Variants in ARHGAP26 observed in about 807,000 individuals in gnomAD.
ARHGAP26 encodes the protein rho GTPase-activating protein 26.
A neutral mutation model predicts 104.8 loss-of-function variants in ARHGAP26; 38 were observed. The ratio of observed to expected loss-of-function variants is 0.36; its 90% CI spans 0.28 to 0.48. The LOEUF (loss-of-function observed/expected upper bound fraction) is 0.48, where lower values mean the gene tolerates loss of function less well. Among genes scored for constraint, ARHGAP26 ranks in the 20% least tolerant of loss-of-function variants. The pLI is 0.99. For synonymous variants in ARHGAP26, 341 were observed against 340.0 expected, an observed-to-expected ratio of 1.00 and a Z score of -0.03; for missense variants, 704 against 947.9, an observed-to-expected ratio of 0.74 and a Z score of 3.38.
chr5:143,046,192 T>C (rs1015564612), intron 14 of ARHGAP26, among the ~76,000 whole-genome samples: 3 of 152,174 alleles, frequency 2.0e-5, no homozygotes, highest in South Asian at 2.1e-4. Flanking sequence ...ATAGCCCTGC[T>C]ACTCAGGAGG....
At chr5:143,119,056 A>G (rs531425842) in intron 17 of ARHGAP26, among the ~76,000 whole-genome samples, 1 of 152,266 alleles carries the variant, frequency 6.6e-6, no homozygotes, top group African/African-American at 2.4e-5. Flanking sequence ...CACATGTGCC[A>G]TGCCATTGTG....
At chr5:143,030,596 C>T (rs1781702621) in intron 12 of ARHGAP26, among the ~76,000 whole-genome samples, 1 of 147,950 alleles carries the variant, frequency 6.8e-6, no homozygotes, top group Admixed American at 6.6e-5. Context: ...ACCTTTATAT[C>T]ATCACAAAAA....
At chr5:142,782,779 G>A (rs1757784732) in intron 1 of ARHGAP26, among the ~76,000 whole-genome samples, 1 of 152,170 alleles carries the variant, frequency 6.6e-6, no homozygotes, top group Non-Finnish European at 1.5e-5. Context: ...TTATTGTGAG[G>A]AGCAGCTGAG....
At chr5:143,024,425 C>T (rs1159477151) in intron 12 of ARHGAP26, among the ~76,000 whole-genome samples, 1 of 152,132 alleles carries the variant, frequency 6.6e-6, no homozygotes, top group African/African-American at 2.4e-5. Context: ...TGACAGCAGG[C>T]TGCAGCCTGA....
chr5:143,112,779 A>G (rs1238109043), intron 17 of ARHGAP26, among the ~76,000 whole-genome samples: 1 of 152,236 alleles, frequency 6.6e-6, no homozygotes, highest in Non-Finnish European at 1.5e-5. Context: ...GTCATAGTAT[A>G]TGCTAGAATT....
chr5:142,924,651 G>T (rs1295742700), intron 10 of ARHGAP26, among the ~76,000 whole-genome samples: 1 of 152,176 alleles, frequency 6.6e-6, no homozygotes. Context: ...ACCACACCCA[G>T]ATTATCATGG....
At chr5:143,059,874 C>T (rs1242323276) in intron 17 of ARHGAP26, among the ~76,000 whole-genome samples, 2 of 152,094 alleles carry the variant, frequency 1.3e-5, no homozygotes, top group Non-Finnish European at 2.9e-5. Flanking sequence ...TAGACTATAG[C>T]GGACTCAAAT....
At chr5:143,090,121 G>A (rs575777057) in intron 17 of ARHGAP26, among the ~76,000 whole-genome samples, 3 of 152,370 alleles carry the variant, frequency 2.0e-5, no homozygotes, top group African/African-American at 7.2e-5. Flanking sequence ...TTAGTGTTGG[G>A]AGACGGAAGC....
intron 1 of ARHGAP26, among the ~76,000 whole-genome samples, chr5:142,866,116 A>G (rs918874543): frequency 4.1e-5 from 6 of 148,088 alleles, no homozygotes; most frequent in African/African-American, 1.5e-4. Context: ...ATTTTTGTCT[A>G]CTCTCTGATT....
At chr5:142,930,336 T>A (rs1397643145) in intron 10 of ARHGAP26, among the ~76,000 whole-genome samples, 1 of 152,140 alleles carries the variant, frequency 6.6e-6, no homozygotes, top group African/African-American at 2.4e-5. Flanking sequence ...ATCCACTGAG[T>A]CTGGCACACT....
chr5:142,784,616 C>T (rs1380126721), intron 1 of ARHGAP26, among the ~76,000 whole-genome samples: 2 of 152,104 alleles, frequency 1.3e-5, no homozygotes, highest in African/African-American at 4.8e-5. Flanking sequence ...TCTTAATGTG[C>T]CGTCTCAATC....
In ARHGAP26 at chr5:143,214,051, A is replaced by G; in HGVS notation, c.2154A>G (p.Ser718=). 1 of 1,578,420 alleles carries G rather than the reference A, an allele frequency of 6.3e-7. No homozygotes were observed. Among genetic ancestry groups the G allele is most frequent in the Non-Finnish European group, 8.6e-7 (1 of 1,158,138 alleles). ...ALYACKAEHD[S]ELSFTAGTVF... ...ATGCCTGCAAAGCTGAACATGACTC[A>G]GAACTTTCGTTCACAGCAGGCACGG... Residue 718 remains serine, a synonymous_variant, in exon 22 of 23, where the codon TCA becomes TCG. Coordinates refer to ENST00000645722, the MANE Select transcript of ARHGAP26 (RefSeq NM_001135608.3).
intron 21 of ARHGAP26, among the ~76,000 whole-genome samples, chr5:143,211,841 C>T (rs1809516756): frequency 6.6e-6 from 1 of 152,174 alleles, no homozygotes; most frequent in Non-Finnish European, 1.5e-5. Context: ...AGGCATGTGC[C>T]ACAGTGCCTA....
At position 142,978,429 on chromosome 5, in the gene ARHGAP26, T is replaced by C. The variant is rs938100106; in HGVS notation, c.1108-35651T>C. ...ATACATAGCCAGGGTTGGCTGGTGC[T>C]GCTCTCATCATTGACATAACCAATC... is the stretch of plus-strand genomic sequence containing the variant. On this transcript the variant is annotated intron_variant, in intron 11 of 22. Transcript: ENST00000645722. Among the ~76,000 whole-genome samples, 13 of 152,206 alleles carry C rather than the reference T, an allele frequency of 8.5e-5. 1 individual carries two copies. Among genetic ancestry groups the C allele is most frequent in the Admixed American group, 8.5e-4 (13 of 15,284 alleles).
At chr5:143,146,713 C>G (rs78979879) in intron 19 of ARHGAP26, among the ~76,000 whole-genome samples, 5,735 of 152,300 alleles carry the variant, frequency 0.038, 392 homozygotes, top group African/African-American at 0.13. Context: ...GGAATTTAGA[C>G]TGGTGGAGTC....
intron 11 of ARHGAP26, among the ~76,000 whole-genome samples, chr5:142,993,132 C>T (rs1416258449): frequency 1.3e-5 from 2 of 151,402 alleles, no homozygotes; most frequent in Non-Finnish European, 2.9e-5. Context: ...AGGTGCCCAC[C>T]ACCATGCCCG....
intron 11 of ARHGAP26, among the ~76,000 whole-genome samples, chr5:142,934,049 C>CA (rs547182307): frequency 1.6e-4 from 25 of 151,586 alleles, no homozygotes; most frequent in South Asian, 4.2e-4. Flanking sequence ...TTGGTATGGG[C>CA]AAAAAAAAGC....
chr5:143,224,610 C>T lies in ARHGAP26; in HGVS notation c.*2164C>T. 4.3e-6 allele frequency: 1 copy of T among 231,144 alleles called. No individual in the cohort carries two copies. The highest frequency in any genetic ancestry group is 8.6e-6 in the Non-Finnish European group (1 of 116,722). The allele number at this position is 231,144 out of a possible 1,614,324, so 14.3% of individuals were successfully genotyped here. ...GTTGCTGTGCTCTTTACTTCTTTTT[C>T]TCCACATCTTCTGAGGCTTTAGAAA... On this transcript the variant is annotated 3_prime_UTR_variant, in exon 23 of 23. Coordinates refer to ENST00000645722, the MANE Select transcript of ARHGAP26 (RefSeq NM_001135608.3).
At position 142,871,745 on chromosome 5, in the gene ARHGAP26, G is replaced by A. The variant is rs187062477; in HGVS notation, c.155-1655G>A. Among the ~76,000 whole-genome samples the A allele has an allele frequency of 1.3e-5, 2 of 152,272 alleles. No individual in the cohort carries two copies. Among genetic ancestry groups the A allele is most frequent in the East Asian group, 1.9e-4 (1 of 5,190 alleles). ...GCCTTTTGTGATTTGTGTTCTGAGG[G>A]ATAGCCTCAGCCTGGGCTGGCCATT... is the stretch of plus-strand genomic sequence containing the variant. On this transcript the variant is annotated intron_variant, in intron 1 of 22. Transcript: ENST00000645722. This position sits in a 1 kb window ranked among gnomAD's most constrained non-coding sequence, Gnocchi z 4.1.
Sources: gnomAD v4.1 joint callset for allele counts (sites outside exome capture counted in the v4.1 genomes callset) on GRCh38, gnomAD v4.1.1 for gene constraint, Gnocchi (gnomAD v3.1) non-coding constraint, MANE v1.5 for transcripts, NCBI Gene and HGNC (gene_info 2026-07-23, HGNC 2026-07-21) for gene names.